Variants in TRAPPC9 observed in about 807,000 individuals in gnomAD.
TRAPPC9 encodes trafficking protein particle complex subunit 9.
A neutral mutation model predicts 124.0 loss-of-function variants in TRAPPC9; 83 were observed. The observed-to-expected ratio is 0.67, with a 90% CI of 0.56 to 0.80. TRAPPC9 has a LOEUF of 0.80. TRAPPC9 is among the 30% of genes least tolerant of loss of function. The pLI is 0.00. For missense variants in TRAPPC9, 1,302 were observed against 1,508.3 expected, an observed-to-expected ratio of 0.86 and a Z score of 2.27; for synonymous variants, 638 against 617.5, an observed-to-expected ratio of 1.03 and a Z score of -0.49.
At chr8:139,810,482 T>C (rs1824364273) in intron 21 of TRAPPC9, among the ~76,000 whole-genome samples, 4 of 152,148 alleles carry the variant, frequency 2.6e-5, no homozygotes, top group Admixed American at 2.6e-4. Context: ...CAGGAGTGTT[T>C]ACATCTCAGA....
intron 7 of TRAPPC9, among the ~76,000 whole-genome samples, chr8:140,372,509 G>A (rs1347694129): frequency 1.3e-5 from 2 of 152,174 alleles, no homozygotes; most frequent in East Asian, 3.8e-4. Flanking sequence ...GCCAGACTTA[G>A]GTTCCTGAGA....
chr8:140,228,618 G>A (rs1277045924), intron 16 of TRAPPC9, among the ~76,000 whole-genome samples: 3 of 152,188 alleles, frequency 2.0e-5, no homozygotes, highest in Non-Finnish European at 2.9e-5. Context: ...GGGACCAGAC[G>A]TAAAGTCCTC....
intron 17 of TRAPPC9, among the ~76,000 whole-genome samples, chr8:140,057,150 A>G (rs552779980): frequency 5.3e-5 from 8 of 152,360 alleles, no homozygotes; most frequent in African/African-American, 1.9e-4. Flanking sequence ...ACATTACCTC[A>G]CACCTGTTAG....
At position 140,146,113 on chromosome 8, in the gene TRAPPC9, A is replaced by G. The variant is rs58002957; in HGVS notation, c.2556+75346T>C. Among the ~76,000 whole-genome samples the G allele has an allele frequency of 4.1e-3, 618 of 152,388 alleles. 5 individuals carry two copies. The highest frequency in any genetic ancestry group is 0.014 in the African/African-American group (598 of 41,596). On this transcript the variant is annotated intron_variant, in intron 17 of 22. Coordinates refer to ENST00000438773, the MANE Select transcript of TRAPPC9 (RefSeq NM_001160372.4). ...GATTCAATCCAATTAACAAACTGAT[A>G]TATGTTCAATAAACTAGTCAAATTT...
intron 17 of TRAPPC9, among the ~76,000 whole-genome samples, chr8:140,127,416 C>A (rs1402708806): frequency 1.3e-5 from 2 of 152,072 alleles, no homozygotes; most frequent in African/African-American, 2.4e-5. Context: ...TACATCATAC[C>A]CTATAAAACG....
At chr8:140,022,943 T>A (rs963593133) in intron 18 of TRAPPC9, among the ~76,000 whole-genome samples, 1 of 152,216 alleles carries the variant, frequency 6.6e-6, no homozygotes, top group Non-Finnish European at 1.5e-5. Flanking sequence ...TAAAGCTGTA[T>A]CATTTTCAAG....
rs185054101 is a variant in TRAPPC9 at position 139,767,761 on chromosome 8, G to A, written c.3056-35559C>T. Reference sequence around the variant, plus strand: ...CGTGGCAAGGCGCCAGGCCTCTCCAGTAATCAAAGAATGCAGGCTGAGAGA... The same window carrying A: ...CGTGGCAAGGCGCCAGGCCTCTCCAATAATCAAAGAATGCAGGCTGAGAGA... On this transcript the variant is annotated intron_variant, in intron 21 of 22. Transcript: ENST00000438773. Among the ~76,000 whole-genome samples the A allele has an allele frequency of 3.9e-3, 594 of 152,358 alleles. 2 individuals carry two copies. Among genetic ancestry groups the A allele is most frequent in the Non-Finnish European group, 6.5e-3 (444 of 68,034 alleles).
At chr8:139,784,761 G>A (rs773502818) in intron 21 of TRAPPC9, among the ~76,000 whole-genome samples, 7 of 151,720 alleles carry the variant, frequency 4.6e-5, no homozygotes, top group South Asian at 4.2e-4. Context: ...GACAGAAGGC[G>A]TGTGAGACTG....
intron 19 of TRAPPC9, among the ~76,000 whole-genome samples, chr8:139,935,039 CT>C (rs1377544478): frequency 1.7e-4 from 26 of 152,288 alleles, no homozygotes; most frequent in African/African-American, 6.3e-4. Context: ...CAGGTATTCC[CT>C]AGGAGACCTG....
At chr8:139,988,140 G>A (rs1235727262) in intron 19 of TRAPPC9, among the ~76,000 whole-genome samples, 5 of 131,920 alleles carry the variant, frequency 3.8e-5, no homozygotes, top group African/African-American at 1.5e-4. Context: ...GCGGAGTCTC[G>A]CTCTGTCGCC....
intron 9 of TRAPPC9, among the ~76,000 whole-genome samples, chr8:140,319,719 C>T (rs1329489967): frequency 6.6e-6 from 1 of 152,196 alleles, no homozygotes; most frequent in African/African-American, 2.4e-5. Context: ...CCACCCACCT[C>T]GGCCTCCCAA....
intron 17 of TRAPPC9, among the ~76,000 whole-genome samples, chr8:140,121,076 C>T (rs903655264): frequency 6.6e-6 from 1 of 152,246 alleles, no homozygotes. Context: ...AATCACTAGG[C>T]AAGATGTTGG....
At chr8:140,159,930 T>C (rs1378146444) in intron 17 of TRAPPC9, among the ~76,000 whole-genome samples, 1 of 152,148 alleles carries the variant, frequency 6.6e-6, no homozygotes, top group African/African-American at 2.4e-5. Context: ...ATTCAGAATC[T>C]ACAACGAACT....
chr8:139,843,958 A>G (rs1432025593), intron 21 of TRAPPC9, among the ~76,000 whole-genome samples: 1 of 152,198 alleles, frequency 6.6e-6, no homozygotes, highest in Non-Finnish European at 1.5e-5. Context: ...CTCACTCCCC[A>G]TACAGTGCTC....
At chr8:139,818,151 G>A (rs920931055) in intron 21 of TRAPPC9, among the ~76,000 whole-genome samples, 7 of 152,210 alleles carry the variant, frequency 4.6e-5, no homozygotes, top group Non-Finnish European at 1.5e-5. Context: ...GGGGCTTTCT[G>A]ACTCCAAAGA....
intron 17 of TRAPPC9, among the ~76,000 whole-genome samples, chr8:140,055,200 C>G (rs2132108609): frequency 6.6e-6 from 1 of 152,204 alleles, no homozygotes; most frequent in Admixed American, 6.5e-5. Flanking sequence ...TCTCTGGATG[C>G]AAGGAAGGGT....
rs373480902 is a variant in TRAPPC9, at chr8:140,371,327, T to G, written c.1135-147A>C. The G allele has an allele frequency of 5.4e-6, 5 of 919,764 alleles. No individual in the cohort carries two copies. The African/African-American group carries it at 6.6e-5, about 12-fold the overall frequency. 57.0% of individuals were successfully genotyped at this position (919,764 alleles called of 1,614,324 possible). A position where few individuals can be genotyped will look rare whatever the true frequency, so the allele number is the denominator to read the frequency against. On this transcript the variant is annotated intron_variant, in intron 7 of 22. Coordinates refer to ENST00000438773, the MANE Select transcript of TRAPPC9 (RefSeq NM_001160372.4). Reference sequence around the variant, plus strand: ...GAGGGAAAGCCTGGTGAGCAGCGCATGGCGCAGGCCCCAGGTGGCTTCAGA... The same window carrying G: ...GAGGGAAAGCCTGGTGAGCAGCGCAGGGCGCAGGCCCCAGGTGGCTTCAGA...
At chr8:139,786,062 G>A (rs1487735996) in intron 21 of TRAPPC9, among the ~76,000 whole-genome samples, 4 of 152,040 alleles carry the variant, frequency 2.6e-5, no homozygotes, top group African/African-American at 9.7e-5. Flanking sequence ...CAAAAAATTA[G>A]CTGGGTGTGG....
At chr8:140,110,166 A>G (rs1326244656) in intron 17 of TRAPPC9, among the ~76,000 whole-genome samples, 1 of 151,132 alleles carries the variant, frequency 6.6e-6, no homozygotes. Flanking sequence ...TGCTCTTCCC[A>G]AAGAGCCCAG....
Sources: gnomAD v4.1 joint callset for allele counts (sites outside exome capture counted in the v4.1 genomes callset) on GRCh38, gnomAD v4.1.1 for gene constraint, MANE v1.5 for transcripts, NCBI Gene and HGNC (gene_info 2026-07-23, HGNC 2026-07-21) for gene names.